Variants in PLD1 observed in about 807,000 individuals in gnomAD.
PLD1 encodes phospholipase D1, also known as choline phosphatase 1.
PLD1 carries 112 observed loss-of-function variants against 137.1 expected under a neutral mutation model. The observed-to-expected ratio is 0.82, with a 90% CI of 0.70 to 0.96. The LOEUF is 0.96. Among genes scored for constraint, PLD1 ranks in the 40% least tolerant of loss-of-function variants. The pLI, the probability that PLD1 is intolerant of heterozygous loss-of-function variation, is 0.00. For missense variants in PLD1, 1,321 were observed against 1,342.0 expected (o/e 0.98, Z 0.24); for synonymous variants, 431 against 454.7 (o/e 0.95, Z 0.66).
intron 1 of PLD1, among the ~76,000 whole-genome samples, chr3:171,785,223 T>C (rs1722960848): frequency 6.6e-6 from 1 of 152,210 alleles, no homozygotes; most frequent in South Asian, 2.1e-4. Flanking sequence ...TGTTCTCTAT[T>C]CCGACCGAAT....
chr3:171,732,332 A>G (rs1719004705), intron 6 of PLD1, among the ~76,000 whole-genome samples: 1 of 151,880 alleles, frequency 6.6e-6, no homozygotes, highest in East Asian at 1.9e-4. Context: ...TTCCTGAGAA[A>G]ACCCTTCTCC....
At chr3:171,614,976 C>T (rs1225873174) in intron 24 of PLD1, among the ~76,000 whole-genome samples, 1 of 152,154 alleles carries the variant, frequency 6.6e-6, no homozygotes, top group Non-Finnish European at 1.5e-5. Flanking sequence ...CATGGAATTA[C>T]CCAGATAACT....
chr3:171,631,080 A>G (rs1312595596), intron 23 of PLD1, among the ~76,000 whole-genome samples: 1 of 152,196 alleles, frequency 6.6e-6, no homozygotes, highest in Non-Finnish European at 1.5e-5. Flanking sequence ...AATATAAACC[A>G]AAGTAAATGA....
intron 1 of PLD1, among the ~76,000 whole-genome samples, chr3:171,784,020 T>C (rs1212442355): frequency 6.6e-6 from 1 of 152,234 alleles, no homozygotes; most frequent in African/African-American, 2.4e-5. Context: ...GGATAGTATG[T>C]GTACCCATTT....
At chr3:171,689,599 C>G (rs939797104) in intron 13 of PLD1, among the ~76,000 whole-genome samples, 1 of 152,090 alleles carries the variant, frequency 6.6e-6, no homozygotes, top group Non-Finnish European at 1.5e-5. Context: ...TTCCTGAGCT[C>G]AAACGATCCT....
chr3:171,710,026 G>C (rs1717031478), intron 9 of PLD1, among the ~76,000 whole-genome samples: 2 of 152,144 alleles, frequency 1.3e-5, no homozygotes. Context: ...ATTAGTTAGA[G>C]AGCTGTTGGC....
chr3:171,705,730 ACT>A (rs968979478), intron 11 of PLD1, among the ~76,000 whole-genome samples: 3 of 152,154 alleles, frequency 2.0e-5, no homozygotes, highest in African/African-American at 4.8e-5. Context: ...AAGAATTGAA[ACT>A]CTCATACATT....
chr3:171,797,239 C>G (rs1723469907), intron 1 of PLD1, among the ~76,000 whole-genome samples: 1 of 152,206 alleles, frequency 6.6e-6, no homozygotes, highest in Non-Finnish European at 1.5e-5. Context: ...TATGGCTTCT[C>G]CGATCTGTAG....
intron 14 of PLD1, among the ~76,000 whole-genome samples, 166 bp from the exon 15 acceptor site, chr3:171,687,750 A>T (rs2108510254): frequency 6.6e-6 from 1 of 152,314 alleles, no homozygotes; most frequent in Middle Eastern, 3.4e-3. Context: ...GATTCTTGTG[A>T]ACTGTTTAAA....
At chr3:171,722,017 T>C (rs953868856) in intron 8 of PLD1, among the ~76,000 whole-genome samples, 18 of 152,146 alleles carry the variant, frequency 1.2e-4, no homozygotes, top group African/African-American at 4.3e-4. Flanking sequence ...AATTCCACAT[T>C]TAAACATAAA....
At chr3:171,807,373 C>G (rs1030389037) in intron 1 of PLD1, among the ~76,000 whole-genome samples, 1 of 152,110 alleles carries the variant, frequency 6.6e-6, no homozygotes, top group Non-Finnish European at 1.5e-5. Context: ...AAAACTAAAG[C>G]CTGCAACACA....
intron 21 of PLD1, among the ~76,000 whole-genome samples, chr3:171,648,316 A>G (rs1736438275): frequency 6.6e-6 from 1 of 152,152 alleles, no homozygotes; most frequent in Admixed American, 6.5e-5. Flanking sequence ...TGCTCATAGT[A>G]CAAAATGTAA....
chr3:171,682,133 A>G (rs183025984), intron 16 of PLD1, among the ~76,000 whole-genome samples: 1,181 of 99,760 alleles, frequency 0.012, 15 homozygotes, highest in African/African-American at 0.049. Context: ...AGAAAGAAAG[A>G]AAGAAAGAAA....
intron 6 of PLD1, among the ~76,000 whole-genome samples, chr3:171,732,573 G>C (rs141479290): frequency 6.6e-6 from 1 of 152,184 alleles, no homozygotes; most frequent in African/African-American, 2.4e-5. Flanking sequence ...ATACACTAAA[G>C]TCTTTACTGT....
At chr3:171,633,681 G>T (rs1734870850) in intron 23 of PLD1, among the ~76,000 whole-genome samples, 1 of 152,114 alleles carries the variant, frequency 6.6e-6, no homozygotes, top group African/African-American at 2.4e-5. Context: ...ATATTTATAA[G>T]GAAATTTCGT....
rs539683451 is a variant in PLD1, at chr3:171,708,835, A to G, written c.1065T>C (p.Tyr355=). Residue 355 remains tyrosine, a synonymous_variant, in exon 11 of 27, where the codon TAT becomes TAC. Coordinates refer to ENST00000351298, the MANE Select transcript of PLD1 (RefSeq NM_002662.5). ...CTTCAAAATATCCTTTGGCATTAAC[A>G]TACCTGAAAGACAAGTTTATTGTTC... ...AIQENALAKW[Y]VNAKGYFEDV... The G allele has an allele frequency of 3.9e-6, 6 of 1,553,814 alleles. No homozygotes were observed. The highest frequency in any genetic ancestry group is 2.7e-5 in the African/African-American group (2 of 73,776).
intron 1 of PLD1, among the ~76,000 whole-genome samples, chr3:171,764,896 G>A (rs58363521): frequency 0.25 from 7,963 of 31,330 alleles, 1,656 homozygotes; most frequent in Admixed American, 0.3. Context: ...AGAAAGAAAG[G>A]AAGGAAGGAA....
chr3:171,726,471 C>A (rs1356147876), intron 6 of PLD1, among the ~76,000 whole-genome samples: 1 of 152,096 alleles, frequency 6.6e-6, no homozygotes, highest in African/African-American at 2.4e-5. Context: ...GGTGCAGGAT[C>A]TGGAAGATGG....
intron 17 of PLD1, 105 bp downstream of exon 17, chr3:171,677,461 C>A: frequency 8.4e-7 from 1 of 1,193,502 alleles, no homozygotes; most frequent in Non-Finnish European, 1.2e-6. Flanking sequence ...CAAAAATCAA[C>A]GGAAGCAAAA....
Sources: allele counts gnomAD v4.1 joint callset (sites outside exome capture counted in the v4.1 genomes callset), GRCh38; gene constraint gnomAD v4.1.1; transcripts MANE v1.5; gene names NCBI Gene and HGNC (gene_info 2026-07-23, HGNC 2026-07-21).